The following PIWIL3 variants were observed in gnomAD, a reference collection of about 807,000 sequenced individuals.
PIWIL3 encodes piwi like RNA-mediated gene silencing 3, also known as piwi-like protein 3.
In PIWIL3, 101 loss-of-function variants were observed where a neutral mutation model predicts 109.7. The ratio of observed to expected loss-of-function variants is 0.92; its 90% CI spans 0.78 to 1.09. The LOEUF is 1.09. Among genes scored for constraint, PIWIL3 ranks in the 50% least tolerant of loss-of-function variants. The probability of loss-of-function intolerance (pLI) is 0.00; values close to 1 mark genes in which losing one functional copy is unlikely to be tolerated. For missense variants in PIWIL3, 1,031 were observed against 1,072.6 expected (o/e 0.96, Z 0.54); for synonymous variants, 373 against 376.4 (o/e 0.99, Z 0.10).
At chr22:24,730,206 A>AT (rs1330400087) in intron 14 of PIWIL3, among the ~76,000 whole-genome samples, 2 of 152,058 alleles carry the variant, frequency 1.3e-5, no homozygotes, top group Non-Finnish European at 2.9e-5. Flanking sequence ...CTCTACTAAA[A>AT]ATACAAAAAT....
rs1465543099 is a variant in PIWIL3 at position 24,723,258 on chromosome 22, T to TA, written c.2232-4dup. On this transcript the variant is annotated splice_region_variant and splice_polypyrimidine_tract_variant and intron_variant, in intron 18 of 20. Coordinates refer to ENST00000616349, the MANE Select transcript of PIWIL3 (RefSeq NM_001255975.1). ...CCACAATGAAAGCTAGAGTGAAACT[T>TA]AAAAAAATTAGGGTAAGTGTCACTA... The TA allele has an allele frequency of 6.2e-7, 1 of 1,608,038 alleles. No homozygotes were observed. Among genetic ancestry groups the TA allele is most frequent in the Non-Finnish European group, 8.5e-7 (1 of 1,176,422 alleles).
chr22:24,731,963 T>C lies in PIWIL3; in HGVS notation c.1707+2121A>G, dbSNP rs1368004761. The stretch of plus-strand genomic sequence containing the variant: ...TTTATAGGATTTTAATTCTTTATTA[T>C]TCACATACAGGTGTTTCCTCATCAT... On this transcript the variant is annotated intron_variant, in intron 14 of 20. Coordinates refer to ENST00000616349, the MANE Select transcript of PIWIL3 (RefSeq NM_001255975.1). 2.0e-5 allele frequency among the ~76,000 whole-genome samples: 3 copies of C among 152,236 alleles called. No homozygotes were observed. In the East Asian group the frequency reaches 5.8e-4, roughly 29 times the overall value.
intron 12 of PIWIL3, among the ~76,000 whole-genome samples, chr22:24,746,940 T>C (rs750078419): frequency 5.3e-5 from 8 of 152,038 alleles, no homozygotes; most frequent in Non-Finnish European, 1.2e-4. Context: ...ATCCCTATCA[T>C]AATACCAAGG....
intron 1 of PIWIL3, among the ~76,000 whole-genome samples, chr22:24,766,653 C>A (rs1321922982): frequency 2.0e-5 from 3 of 152,032 alleles, no homozygotes; most frequent in Non-Finnish European, 2.9e-5. Context: ...ATCACCAATT[C>A]TTTAATATTT....
intron 1 of PIWIL3, among the ~76,000 whole-genome samples, chr22:24,773,444 C>T (rs972835471): frequency 6.6e-6 from 1 of 152,178 alleles, no homozygotes; most frequent in Non-Finnish European, 1.5e-5. Flanking sequence ...GTGTATTGAG[C>T]TTGAAGCACT....
In PIWIL3 at chr22:24,723,170, G is replaced by A. The variant is rs567654355; in HGVS notation, c.2317C>T (p.Pro773Ser). ...KHGSNFQNPP[P>S]GTVIDVELTR... ...AACTCTACATCAATAACTGTTCCTGGAGGTGGATTTTGAAAATTGCTTCCA... is the reference window on the plus strand; with the variant it reads ...AACTCTACATCAATAACTGTTCCTGAAGGTGGATTTTGAAAATTGCTTCCA... Residue 773 changes from proline (P) to serine (S), a missense_variant, in exon 19 of 21, where the codon CCA becomes TCA. Pro to Ser is a moderately conservative substitution (Grantham distance 74, BLOSUM62 -1). Transcript: ENST00000616349. The A allele has an allele frequency of 8.1e-6, 13 of 1,613,266 alleles. No individual in the cohort carries two copies. In the Admixed American group the frequency reaches 2.2e-4, roughly 27 times the overall value.
At chr22:24,741,296 C>G (rs961877562) in intron 12 of PIWIL3, among the ~76,000 whole-genome samples, 1 of 152,158 alleles carries the variant, frequency 6.6e-6, no homozygotes, top group African/African-American at 2.4e-5. Context: ...GGGCCAATCA[C>G]GAAGTCAGGA....
intron 1 of PIWIL3, among the ~76,000 whole-genome samples, chr22:24,767,563 A>AT (rs1223548880): frequency 2.0e-5 from 3 of 151,128 alleles, no homozygotes; most frequent in Admixed American, 6.6e-5. Flanking sequence ...AAAAAAAAAA[A>AT]GGGCAAAGAG....
At chr22:24,767,039 A>G (rs1458441132) in intron 1 of PIWIL3, among the ~76,000 whole-genome samples, 1 of 152,016 alleles carries the variant, frequency 6.6e-6, no homozygotes, top group Non-Finnish European at 1.5e-5. Flanking sequence ...AGGTTGAGGC[A>G]GGAGGACAGG....
chr22:24,761,363 C>A (rs1006165418), intron 2 of PIWIL3, among the ~76,000 whole-genome samples: 1 of 152,110 alleles, frequency 6.6e-6, no homozygotes, highest in Non-Finnish European at 1.5e-5. Context: ...GTAACCTAAA[C>A]GCCAAGCGGA....
chr22:24,753,386 G>A (rs556381919), intron 8 of PIWIL3, among the ~76,000 whole-genome samples: 1 of 152,328 alleles, frequency 6.6e-6, no homozygotes, highest in East Asian at 1.9e-4. Context: ...TTATTGAAAA[G>A]ACTATTCTTT....
chr22:24,749,916 G>A (rs983241623), intron 9 of PIWIL3, 97 bp from the exon 10 acceptor site: 2 of 1,551,884 alleles, frequency 1.3e-6, no homozygotes, highest in African/African-American at 2.7e-5. Context: ...TACAAATGAA[G>A]GGCCACAGGC....
chr22:24,723,679 TTTC>T (rs1006211762), intron 18 of PIWIL3, among the ~76,000 whole-genome samples: 6 of 152,180 alleles, frequency 3.9e-5, no homozygotes, highest in Non-Finnish European at 8.8e-5. Context: ...TGTTCATGGA[TTTC>T]TTCTTTTTTT....
At chr22:24,722,956 C>T (rs143121390) in intron 19 of PIWIL3, among the ~76,000 whole-genome samples, 174 bp downstream of exon 19, 11 of 152,014 alleles carry the variant, frequency 7.2e-5, no homozygotes, top group African/African-American at 2.7e-4. Context: ...AGACTCATCG[C>T]GATTTCTAGA....
intron 1 of PIWIL3, among the ~76,000 whole-genome samples, chr22:24,773,126 A>G (rs1926219542): frequency 6.6e-6 from 1 of 152,170 alleles, no homozygotes; most frequent in South Asian, 2.1e-4. Flanking sequence ...GGTGTCCTCC[A>G]CTGCTCTGGG....
Position 24,766,602 on chromosome 22 carries a change from G to A in PIWIL3, c.-22-4081C>T, listed in dbSNP as rs997065057. ...CTTCCAAAGTGCTGGGATTACAGGCGTGAGCCACCGCGCCTGGCCTAGCCT... is the reference window on the plus strand; with the variant it reads ...CTTCCAAAGTGCTGGGATTACAGGCATGAGCCACCGCGCCTGGCCTAGCCT... On this transcript the variant is annotated intron_variant, in intron 1 of 20. Transcript: ENST00000616349. Among the ~76,000 whole-genome samples the A allele has an allele frequency of 5.9e-5, 9 of 152,172 alleles. No homozygotes were observed. The East Asian group carries it at 9.7e-4, about 16-fold the overall frequency.
chr22:24,733,189 G>GA (rs1301097289), intron 14 of PIWIL3, among the ~76,000 whole-genome samples: 2 of 152,084 alleles, frequency 1.3e-5, no homozygotes. Flanking sequence ...AACACAATAG[G>GA]AAAACATTCT....
chr22:24,764,794 A>G (rs1925692376), intron 1 of PIWIL3, among the ~76,000 whole-genome samples: 1 of 152,110 alleles, frequency 6.6e-6, no homozygotes, highest in Admixed American at 6.6e-5. Context: ...GAGAAGATTC[A>G]CAACAAAACC....
At chr22:24,724,689 G>A (rs1256773361) in intron 18 of PIWIL3, among the ~76,000 whole-genome samples, 198 bp downstream of exon 18, 1 of 151,722 alleles carries the variant, frequency 6.6e-6, no homozygotes, top group South Asian at 2.1e-4. Context: ...CACCCTCCTC[G>A]GCCTCCCAAA....
Sources: allele counts gnomAD v4.1 joint callset (sites outside exome capture counted in the v4.1 genomes callset), GRCh38; gene constraint gnomAD v4.1.1; transcripts MANE v1.5; gene names NCBI Gene and HGNC (gene_info 2026-07-23, HGNC 2026-07-21).